MALRD1: variants seen among roughly 807,000 people sequenced by gnomAD.
MALRD1 encodes MAM and LDL-receptor class A domain-containing protein 1.
In MALRD1, 247 loss-of-function variants were observed where a neutral mutation model predicts 242.1. That is an observed-to-expected ratio of 1.02 (90% CI 0.92 to 1.13). The LOEUF is 1.13. MALRD1 is among the 50% of genes most tolerant of loss of function. The probability of loss-of-function intolerance (pLI) is 0.00; values close to 1 mark genes in which losing one functional copy is unlikely to be tolerated. For missense variants in MALRD1, 2,989 were observed against 2,533.1 expected (o/e 1.18, Z -3.86); for synonymous variants, 995 against 866.6 (o/e 1.15, Z -2.60).
intron 21 of MALRD1, among the ~76,000 whole-genome samples, chr10:19,302,017 A>G (rs1408850796): frequency 6.6e-6 from 1 of 151,856 alleles, no homozygotes; most frequent in Non-Finnish European, 1.5e-5. Context: ...AAGAAGCTAA[A>G]CATCAGTAGT....
chr10:19,320,420 A>G (rs1588905092), intron 21 of MALRD1, among the ~76,000 whole-genome samples: 1 of 152,138 alleles, frequency 6.6e-6, no homozygotes, highest in East Asian at 1.9e-4. Flanking sequence ...TTATGGCTGC[A>G]CAGTATTCCA....
intron 18 of MALRD1, among the ~76,000 whole-genome samples, chr10:19,250,843 G>T (rs570478007): frequency 6.6e-6 from 1 of 151,990 alleles, no homozygotes; most frequent in East Asian, 1.9e-4. Context: ...CTCAATGTGT[G>T]TATTCTCTTT....
At chr10:19,190,342 A>G (rs1429415950) in intron 14 of MALRD1, among the ~76,000 whole-genome samples, 3 of 152,138 alleles carry the variant, frequency 2.0e-5, no homozygotes, top group African/African-American at 7.2e-5. Flanking sequence ...TTCATAGATC[A>G]GAAGACGTAA....
In MALRD1 at chr10:19,214,827, A is replaced by G. The variant is rs12251785; in HGVS notation, c.2991+5147A>G. On this transcript the variant is annotated intron_variant, in intron 18 of 39. Transcript: ENST00000454679. The stretch of plus-strand genomic sequence containing the variant: ...GGATGCCTGACAATTTCCCATTGAG[A>G]CTTTCACAAAATTGCCTTTGCTTGA... Among the ~76,000 whole-genome samples, 1,250 of 152,288 alleles carry G rather than the reference A, an allele frequency of 8.2e-3. 18 individuals carry two copies. Among genetic ancestry groups the G allele is most frequent in the African/African-American group, 0.028 (1,181 of 41,560 alleles).
chr10:19,102,482 A>ACAG (rs1220883531), intron 4 of MALRD1, among the ~76,000 whole-genome samples: 1 of 152,194 alleles, frequency 6.6e-6, no homozygotes, highest in Non-Finnish European at 1.5e-5. Context: ...ATATATTGGT[A>ACAG]CAGCATATTG....
chr10:19,719,131 A>T (rs1834568205), intron 38 of MALRD1, among the ~76,000 whole-genome samples: 1 of 145,362 alleles, frequency 6.9e-6, no homozygotes, highest in Non-Finnish European at 1.5e-5. Flanking sequence ...CAACCTGGGC[A>T]GCAGAGCAAG....
chr10:19,482,378 CA>C (rs991501845), intron 29 of MALRD1, among the ~76,000 whole-genome samples: 1 of 151,728 alleles, frequency 6.6e-6, no homozygotes, highest in African/African-American at 2.4e-5. Flanking sequence ...AAAAAAAAGT[CA>C]AACAAAAAAC....
At chr10:19,153,412 G>T (rs1413320151) in intron 11 of MALRD1, among the ~76,000 whole-genome samples, 1 of 152,086 alleles carries the variant, frequency 6.6e-6, no homozygotes, top group Non-Finnish European at 1.5e-5. Context: ...GCAAATATTT[G>T]TTTTTTAAAA....
chr10:19,050,083 C>CTTTTTTT (rs34692209), intron 1 of MALRD1, among the ~76,000 whole-genome samples: 2 of 90,578 alleles, frequency 2.2e-5, no homozygotes, highest in Non-Finnish European at 4.1e-5. Context: ...CATATGTCTT[C>CTTTTTTT]TTTTTTTTTT....
intron 1 of MALRD1, among the ~76,000 whole-genome samples, chr10:19,050,771 G>C (rs1473975924): frequency 1.3e-5 from 2 of 152,154 alleles, no homozygotes; most frequent in Non-Finnish European, 2.9e-5. Flanking sequence ...CAGCAAAGAG[G>C]AACGACTTGG....
intron 36 of MALRD1, among the ~76,000 whole-genome samples, chr10:19,619,025 C>T (rs571069059): frequency 1.3e-5 from 2 of 151,770 alleles, no homozygotes; most frequent in African/African-American, 2.4e-5. Context: ...GACCAGACTC[C>T]GCATTCTTAG....
chr10:19,306,838 A>G (rs1299253632), intron 21 of MALRD1, among the ~76,000 whole-genome samples: 1 of 151,418 alleles, frequency 6.6e-6, no homozygotes, highest in African/African-American at 2.4e-5. Context: ...CCCCTTATAA[A>G]GCCACTGGAT....
intron 13 of MALRD1, among the ~76,000 whole-genome samples, chr10:19,174,899 C>T (rs890829803): frequency 6.6e-6 from 1 of 151,952 alleles, no homozygotes; most frequent in Non-Finnish European, 1.5e-5. Flanking sequence ...AGTTGATTAC[C>T]CCAAAGAGCT....
Position 19,534,046 on chromosome 10 carries a change from A to G in MALRD1, c.5478+2695A>G, listed in dbSNP as rs75145764. On this transcript the variant is annotated intron_variant, in intron 32 of 39. Transcript: ENST00000454679. ...AAGGGAGAGAGATTGTTTGACAAAG[A>G]AGCTAACACATGGGGACACAGAGCT... Among the ~76,000 whole-genome samples, 666 of 152,328 alleles carry G rather than the reference A, an allele frequency of 4.4e-3. 7 individuals carry two copies. The East Asian group carries it at 0.057, about 13-fold the overall frequency.
rs117656606 is a variant in MALRD1, at chr10:19,704,542, C to A, written c.6314+11988C>A. ...CGCTTTAATAGGGCTTCAAGATATACATTTGGGGGGACACAAATGTTCAGT... is the reference window on the plus strand; with the variant it reads ...CGCTTTAATAGGGCTTCAAGATATAAATTTGGGGGGACACAAATGTTCAGT... On this transcript the variant is annotated intron_variant, in intron 38 of 39. Transcript: ENST00000454679. Among the ~76,000 whole-genome samples the A allele has an allele frequency of 2.6e-3, 389 of 152,278 alleles. 10 individuals are homozygous for A. In the East Asian group the frequency reaches 0.053, roughly 21 times the overall value.
At chr10:19,176,639 G>A (rs1162950565) in intron 14 of MALRD1, among the ~76,000 whole-genome samples, 1 of 151,828 alleles carries the variant, frequency 6.6e-6, no homozygotes, top group Non-Finnish European at 1.5e-5. Flanking sequence ...CTCCCAAAGT[G>A]CTGGGATTAC....
intron 14 of MALRD1, among the ~76,000 whole-genome samples, chr10:19,177,158 T>G (rs755212313): frequency 2.0e-5 from 3 of 151,556 alleles, no homozygotes; most frequent in African/African-American, 4.8e-5. Flanking sequence ...CGGGCACCTG[T>G]AGTCCCAGCT....
At chr10:19,299,954 C>T (rs541511661) in intron 21 of MALRD1, among the ~76,000 whole-genome samples, 16 of 152,030 alleles carry the variant, frequency 1.1e-4, no homozygotes, top group African/African-American at 2.9e-4. Flanking sequence ...CAATGTGATT[C>T]TATAACTGGA....
At chr10:19,466,235 A>G (rs1024354166) in intron 29 of MALRD1, among the ~76,000 whole-genome samples, 2 of 152,042 alleles carry the variant, frequency 1.3e-5, no homozygotes, top group African/African-American at 2.4e-5. Context: ...AACCTTTTTT[A>G]TAAGATAATG....
Sources: allele counts gnomAD v4.1 joint callset (sites outside exome capture counted in the v4.1 genomes callset), GRCh38; gene constraint gnomAD v4.1.1; transcripts MANE v1.5; gene names NCBI Gene and HGNC (gene_info 2026-07-23, HGNC 2026-07-21).